The following STK32B variants were observed in gnomAD, a reference collection of about 807,000 sequenced individuals.
The protein encoded by STK32B is serine/threonine-protein kinase 32B.
A neutral mutation model predicts 52.6 loss-of-function variants in STK32B; 43 were observed. The ratio of observed to expected loss-of-function variants is 0.82; its 90% CI spans 0.64 to 1.05. STK32B has a LOEUF of 1.05. STK32B is among the 50% of genes least tolerant of loss of function. The pLI, the probability that STK32B is intolerant of heterozygous loss-of-function variation, is 0.00. For synonymous variants in STK32B, 238 were observed against 204.3 expected (o/e 1.17, Z -1.41); for missense variants, 621 against 534.6 (o/e 1.16, Z -1.59).
At chr4:5,274,005 CAAAA>C (rs571304738) in intron 3 of STK32B, among the ~76,000 whole-genome samples, 1,523 of 151,378 alleles carry the variant, frequency 0.01, 17 homozygotes, top group Middle Eastern at 0.024. Flanking sequence ...AAAAAAGAAA[CAAAA>C]AAACAAAACA....
chr4:5,415,594 A>G (rs1387727662), intron 5 of STK32B, among the ~76,000 whole-genome samples: 2 of 152,188 alleles, frequency 1.3e-5, no homozygotes, highest in Non-Finnish European at 2.9e-5. Flanking sequence ...CATCCCAGCA[A>G]AGACCTGGTT....
At chr4:5,026,735 T>G in the STK32B span, among the ~76,000 whole-genome samples, 1 of 152,058 alleles carries the variant, frequency 6.6e-6, no homozygotes, top group Non-Finnish European at 1.5e-5. Flanking sequence ...GACTATCACC[T>G]CTCCTGCCTG....
At chr4:5,339,674 G>T (rs1732946240) in intron 4 of STK32B, among the ~76,000 whole-genome samples, 1 of 152,140 alleles carries the variant, frequency 6.6e-6, no homozygotes, top group African/African-American at 2.4e-5. Context: ...TGCAAGCCTG[G>T]GTTGGATTGC....
intron 3 of STK32B, among the ~76,000 whole-genome samples, chr4:5,197,312 A>G (rs765893988): frequency 6.6e-6 from 1 of 152,174 alleles, no homozygotes; most frequent in Non-Finnish European, 1.5e-5. Context: ...CTAACTTGTC[A>G]TCCTCTTGGA....
chr4:5,160,526 G>A (rs1389923499), intron 2 of STK32B, among the ~76,000 whole-genome samples: 6 of 152,024 alleles, frequency 3.9e-5, no homozygotes, highest in South Asian at 4.1e-4. Context: ...TAAGGTTCAG[G>A]TGCTACCTTT....
chr4:5,167,732 C>T lies in STK32B; in HGVS notation c.109-567C>T, dbSNP rs148531354. ...TACTGATACTCCCGTTTCTAACAGT[C>T]GTGGATCGAATGTTGCTCTGAGGAC... is the stretch of plus-strand genomic sequence containing the variant. On this transcript the variant is annotated intron_variant, in intron 2 of 11. Transcript: ENST00000282908. 6.8e-3 allele frequency among the ~76,000 whole-genome samples: 1,029 copies of T among 152,314 alleles called. 6 individuals are homozygous for T. The highest frequency in any genetic ancestry group is 0.017 in the Middle Eastern group (5 of 294).
At chr4:5,402,045 T>A (rs1235739458) in intron 5 of STK32B, among the ~76,000 whole-genome samples, 2 of 152,354 alleles carry the variant, frequency 1.3e-5, no homozygotes, top group Admixed American at 1.3e-4. Flanking sequence ...GCTTATCCCC[T>A]GCAAGTTCAT....
intron 4 of STK32B, among the ~76,000 whole-genome samples, chr4:5,375,618 C>A (rs1232962342): frequency 1.3e-5 from 2 of 152,194 alleles, no homozygotes; most frequent in Non-Finnish European, 2.9e-5. Context: ...TCTTCTCCTA[C>A]CTCTCTGAGG....
At chr4:5,366,932 C>G (rs1260114599) in intron 4 of STK32B, among the ~76,000 whole-genome samples, 1 of 152,106 alleles carries the variant, frequency 6.6e-6, no homozygotes, top group Non-Finnish European at 1.5e-5. Context: ...AGCCACACCC[C>G]TCCCATTTAG....
intron 1 of STK32B, among the ~76,000 whole-genome samples, chr4:5,139,070 A>G (rs1473968430): frequency 6.6e-6 from 1 of 152,196 alleles, no homozygotes; most frequent in East Asian, 1.9e-4. Context: ...GGAGGCCACC[A>G]TAGTGGTCCA....
At chr4:5,100,416 C>T (rs571189188) in intron 1 of STK32B, among the ~76,000 whole-genome samples, 2,070 of 141,536 alleles carry the variant, frequency 0.015, 61 homozygotes, top group African/African-American at 0.053. Context: ...CTCCCTCCCT[C>T]CTTGCCTTCC....
chr4:5,331,387 T>A lies in STK32B; in HGVS notation c.428T>A (p.Ile143Asn), dbSNP rs777544377. Residue 143 changes from isoleucine (I) to asparagine (N), a missense_variant, in exon 4 of 12, where the codon ATC (isoleucine) becomes AAC (asparagine). Transcript: ENST00000282908. ...ALEYLQRYHI[I>N]HRDIKPDNIL... is the part of the protein sequence containing the mutation. ...GAGTATCTTCAGAGGTACCACATCA[T>A]CCACAGGTAACTGGGCTGCTGGCGG... is the stretch of plus-strand genomic sequence containing the variant. 1 of 1,610,196 alleles carries A rather than the reference T, an allele frequency of 6.2e-7. No individual in the cohort carries two copies. Among genetic ancestry groups the A allele is most frequent in the South Asian group, 1.1e-5 (1 of 90,454 alleles).
chr4:5,139,787 A>T, intron 1 of STK32B, 118 bp from the exon 2 acceptor site: 1 of 1,117,102 alleles, frequency 9.0e-7, no homozygotes, highest in Non-Finnish European at 1.4e-6. Flanking sequence ...TGGCAAGTAT[A>T]GTGCACCTGA....
intron 2 of STK32B, among the ~76,000 whole-genome samples, chr4:5,154,679 A>T (rs1200816994): frequency 1.3e-5 from 2 of 152,108 alleles, no homozygotes; most frequent in African/African-American, 2.4e-5. Context: ...CATCTCTCTC[A>T]CACAGCAGCG....
At chr4:5,308,201 T>C (rs954759893) in intron 3 of STK32B, among the ~76,000 whole-genome samples, 3 of 152,206 alleles carry the variant, frequency 2.0e-5, no homozygotes, top group Admixed American at 1.3e-4. Context: ...CAAGAGATTA[T>C]GTCCTTTGTC....
At chr4:5,204,163 C>G (rs1315438110) in intron 3 of STK32B, 1 of 152,228 alleles carries the variant, frequency 6.6e-6, no homozygotes, top group African/African-American at 2.4e-5. Flanking sequence ...ACTAAGAAAG[C>G]TGCACTTTCG....
At chr4:5,113,174 C>G (rs1014743740) in intron 1 of STK32B, among the ~76,000 whole-genome samples, 15 of 152,226 alleles carry the variant, frequency 9.9e-5, no homozygotes, top group African/African-American at 3.6e-4. Context: ...AGGGTGGAAA[C>G]CTCACGAATG....
At chr4:5,029,214 T>A in the STK32B span, among the ~76,000 whole-genome samples, 1 of 152,060 alleles carries the variant, frequency 6.6e-6, no homozygotes, top group Non-Finnish European at 1.5e-5. Flanking sequence ...GAGTTGGGGG[T>A]AGGCCTATGA....
rs527679881 is a variant in STK32B at position 5,304,341 on chromosome 4, T to C, written c.261-26879T>C. ...GATGTGTTTCCATCTGTGTCATCTATGATTTCTTTCAGAAGTGTTTCTACT... is the reference window on the plus strand; with the variant it reads ...GATGTGTTTCCATCTGTGTCATCTACGATTTCTTTCAGAAGTGTTTCTACT... On this transcript the variant is annotated intron_variant, in intron 3 of 11. Coordinates refer to ENST00000282908, the MANE Select transcript of STK32B (RefSeq NM_018401.3). Among the ~76,000 whole-genome samples, 5 of 152,252 alleles carry C rather than the reference T, an allele frequency of 3.3e-5. No individual in the cohort carries two copies. The East Asian group carries it at 7.7e-4, about 23-fold the overall frequency.
Sources: gnomAD v4.1 joint callset for allele counts (sites outside exome capture counted in the v4.1 genomes callset) on GRCh38, gnomAD v4.1.1 for gene constraint, MANE v1.5 for transcripts, NCBI Gene and HGNC (gene_info 2026-07-23, HGNC 2026-07-21) for gene names.